The following COL4A4 variants were observed in gnomAD, a reference collection of about 807,000 sequenced individuals.
COL4A4 encodes collagen alpha-4(IV) chain.
COL4A4 carries 105 observed loss-of-function variants against 192.9 expected under a neutral mutation model. That is an observed-to-expected ratio of 0.54 (90% CI 0.46 to 0.64). COL4A4 has a LOEUF of 0.64. Among genes scored for constraint, COL4A4 ranks in the 30% least tolerant of loss-of-function variants. The pLI, the probability that COL4A4 is intolerant of heterozygous loss-of-function variation, is 0.00. For synonymous variants in COL4A4, 762 were observed against 769.9 expected (o/e 0.99, Z 0.17); for missense variants, 1,967 against 2,169.3 (o/e 0.91, Z 1.85).
At chr2:227,002,316 A>ATCTT (rs142000922), downstream of COL4A4, among the ~76,000 whole-genome samples, 8,859 of 152,272 alleles carry the variant, frequency 0.058, 288 homozygotes, top group Admixed American at 0.081. Context: ...AAGTAACAAT[A>ATCTT]TCTTTGGTTT....
chr2:227,041,213 A>G (rs1271663248), intron 37 of COL4A4, among the ~76,000 whole-genome samples: 3 of 152,172 alleles, frequency 2.0e-5, no homozygotes, highest in Non-Finnish European at 4.4e-5. Context: ...CCATGAGGGC[A>G]GGAAGCAGGT....
intron 44 of COL4A4, among the ~76,000 whole-genome samples, chr2:227,016,950 C>G (rs1021158507): frequency 6.6e-6 from 1 of 152,154 alleles, no homozygotes; most frequent in Admixed American, 6.6e-5. Context: ...AACCTCTCCC[C>G]GGGGTGGCAC....
At chr2:227,117,536 A>C (rs2061553810) in intron 7 of COL4A4, among the ~76,000 whole-genome samples, 1 of 152,164 alleles carries the variant, frequency 6.6e-6, no homozygotes, top group Non-Finnish European at 1.5e-5. Context: ...TCTGGAGCAA[A>C]AGGAAGACTC....
intron 3 of COL4A4, among the ~76,000 whole-genome samples, chr2:227,142,328 A>C (rs1320231231): frequency 6.6e-6 from 1 of 152,252 alleles, no homozygotes; most frequent in Non-Finnish European, 1.5e-5. Context: ...TTAAACATTC[A>C]AAGTACGAAC....
intron 12 of COL4A4, among the ~76,000 whole-genome samples, chr2:227,108,127 G>A (rs920017896): frequency 6.6e-6 from 1 of 152,134 alleles, no homozygotes; most frequent in Non-Finnish European, 1.5e-5. Flanking sequence ...GGGTGTGAGT[G>A]GCAGGGGGAG....
At chr2:227,109,179 A>G (rs1339481628) in intron 10 of COL4A4, 45 bp downstream of exon 10, 2 of 1,556,536 alleles carry the variant, frequency 1.3e-6, no homozygotes, top group Non-Finnish European at 8.9e-7. Context: ...ATTTTCATGT[A>G]GAATCTGGTT....
At chr2:226,986,272 C>T in the COL4A4 span, among the ~76,000 whole-genome samples, 2 of 152,146 alleles carry the variant, frequency 1.3e-5, no homozygotes, top group East Asian at 3.9e-4. Context: ...CAGGATTGGA[C>T]CCCGAACAGA....
In COL4A4 at chr2:227,080,477, C is replaced by T. The variant is rs2059266554; in HGVS notation, c.1769G>A (p.Gly590Glu). 6.2e-7 allele frequency: 1 copy of T among 1,614,150 alleles called. No individual in the cohort carries two copies. Among genetic ancestry groups the T allele is most frequent in the East Asian group, 2.2e-5 (1 of 44,884 alleles). The change falls in exon 24 of 48, where the codon GGA becomes GAA. Residue 590 changes from glycine to glutamate, a missense_variant. Transcript: ENST00000396625. The stretch of plus-strand genomic sequence containing the variant: ...TGGATCCCCTTTTTCTCCAGCATGT[C>T]CATCCCGACCATGTGATCCTGGCTG... ...PGQPGSHGRD[G>E]HAGEKGDPGP...
chr2:227,144,116 A>G lies in COL4A4; in HGVS notation c.114+400T>C, dbSNP rs565120502. Among the ~76,000 whole-genome samples, 206 of 152,350 alleles carry G rather than the reference A, an allele frequency of 1.4e-3. 2 individuals are homozygous for G. The highest frequency in any genetic ancestry group is 1.0e-3 in the Non-Finnish European group (70 of 68,034). On this transcript the variant is annotated intron_variant, in intron 3 of 47. Transcript: ENST00000396625. ...CCAGACACGTCTGAGGGTGAGTTTAATGACTGGGATTCTTCAGTGAGGAAG... is the reference window on the plus strand; with the variant it reads ...CCAGACACGTCTGAGGGTGAGTTTAGTGACTGGGATTCTTCAGTGAGGAAG...
At chr2:227,125,909 A>G (rs1393955013) in intron 4 of COL4A4, among the ~76,000 whole-genome samples, 1 of 152,138 alleles carries the variant, frequency 6.6e-6, no homozygotes, top group Non-Finnish European at 1.5e-5. Flanking sequence ...GGGAAGGCCG[A>G]GTCTAAGTGC....
At chr2:227,156,519 A>G (rs1055275718) in intron 1 of COL4A4, among the ~76,000 whole-genome samples, 1 of 152,138 alleles carries the variant, frequency 6.6e-6, no homozygotes, top group Non-Finnish European at 1.5e-5. Context: ...AAGCTATGAC[A>G]GTACCTTATA....
At chr2:227,073,777 C>G (rs915065558) in intron 25 of COL4A4, among the ~76,000 whole-genome samples, 1 of 151,746 alleles carries the variant, frequency 6.6e-6, no homozygotes, top group African/African-American at 2.4e-5. Context: ...ACAAAGCATA[C>G]AAAAACAAAA....
chr2:227,108,983 T>G (rs976511462), intron 10 of COL4A4, 115 bp from the exon 11 acceptor site: 2 of 1,089,692 alleles, frequency 1.8e-6, no homozygotes, highest in East Asian at 4.7e-5. Flanking sequence ...TTTTAAAACA[T>G]GCAGTGATGG....
the COL4A4 span, among the ~76,000 whole-genome samples, chr2:226,990,261 T>C: frequency 1.3e-5 from 2 of 152,224 alleles, no homozygotes; most frequent in Admixed American, 6.5e-5. Flanking sequence ...GGGAGGCATT[T>C]TGGGAGCTTT....
At chr2:227,084,731 C>T (rs1559579875) in intron 22 of COL4A4, among the ~76,000 whole-genome samples, 1 of 152,080 alleles carries the variant, frequency 6.6e-6, no homozygotes, top group Non-Finnish European at 1.5e-5. Flanking sequence ...ATTCCTGGGG[C>T]AAAGGTTCTC....
the COL4A4 span, among the ~76,000 whole-genome samples, chr2:226,973,673 T>TG: frequency 6.6e-6 from 1 of 152,230 alleles, no homozygotes; most frequent in Non-Finnish European, 1.5e-5. Context: ...AGTAAACAGA[T>TG]GGAGATGTTC....
intron 25 of COL4A4, among the ~76,000 whole-genome samples, chr2:227,066,783 C>T (rs1200938133): frequency 4.0e-5 from 6 of 151,660 alleles, no homozygotes; most frequent in East Asian, 1.9e-4. Flanking sequence ...TAAAGACCAT[C>T]GAGACTAGGA....
In COL4A4 at chr2:227,008,060, C is replaced by T. The variant is rs749368219; in HGVS notation, c.4767G>A (p.Pro1589=). Reference sequence around the variant, plus strand: ...CGATCCAGAGGCTCCTCCAGGTCTGCGGACATGGGGGGATGGACTGGTCCT... The same window carrying T: ...CGATCCAGAGGCTCCTCCAGGTCTGTGGACATGGGGGGATGGACTGGTCCT... The part of the protein sequence containing the change: ...HSQDQSIPPC[P]QTWRSLWIGY... The change falls in exon 47 of 48, where the codon CCG becomes CCA. Residue 1589 remains proline, a synonymous_variant. Transcript: ENST00000396625. The T allele has an allele frequency of 6.8e-6, 11 of 1,613,760 alleles. No homozygotes were observed. Among genetic ancestry groups the T allele is most frequent in the South Asian group, 6.6e-5 (6 of 91,076 alleles).
In COL4A4 at chr2:227,088,780, ATGGG is replaced by A; in HGVS notation, c.1492_1495del (p.Pro498TrpfsTer154). ...AAGTCCTGGAGGGCCAGGGGGGCCC[ATGGG>A]TCCAGGCTCACAGGCACAGAGTCCT... On this transcript the variant is annotated frameshift_variant, in exon 22 of 48. Coordinates refer to ENST00000396625, the MANE Select transcript of COL4A4 (RefSeq NM_000092.5). LOFTEE classifies it high-confidence loss of function. 6.2e-7 allele frequency: 1 copy of A among 1,614,132 alleles called. No homozygotes were observed. The highest frequency in any genetic ancestry group is 8.5e-7 in the Non-Finnish European group (1 of 1,180,012).
Sources: allele counts gnomAD v4.1 joint callset (sites outside exome capture counted in the v4.1 genomes callset), GRCh38; gene constraint gnomAD v4.1.1; transcripts MANE v1.5; gene names NCBI Gene and HGNC (gene_info 2026-07-23, HGNC 2026-07-21).